The following PCNX4 variants were observed in gnomAD, a reference collection of about 807,000 sequenced individuals.
PCNX4 encodes pecanex-like protein 4.
A neutral mutation model predicts 107.2 loss-of-function variants in PCNX4; 103 were observed. The observed-to-expected ratio is 0.96, with a 90% CI of 0.82 to 1.13. The LOEUF is 1.13. Ranked by LOEUF, PCNX4 falls within the 50% of genes most tolerant of loss-of-function variation. The probability of loss-of-function intolerance (pLI) is 0.00; values close to 1 mark genes in which losing one functional copy is unlikely to be tolerated. For missense variants in PCNX4, 1,528 were observed against 1,379.4 expected (o/e 1.11, Z -1.71); for synonymous variants, 541 against 481.7 (o/e 1.12, Z -1.61).
intron 1 of PCNX4, among the ~76,000 whole-genome samples, chr14:60,100,731 A>G (rs1199241143): frequency 6.6e-6 from 1 of 152,214 alleles, no homozygotes; most frequent in African/African-American, 2.4e-5. Context: ...ATAAATTCTC[A>G]TCAGGTGGGT....
In PCNX4 at chr14:60,118,387, CTG is replaced by C. The variant is rs1408546237; in HGVS notation, c.1640_1641del (p.Val547AlafsTer133). ...ATCTCTAAATTGCAGTTTGCCGTGACTGTGCTTTTGACATCATGGACAGAGAA... is the reference window on the plus strand; with the variant it reads ...ATCTCTAAATTGCAGTTTGCCGTGACTGCTTTTGACATCATGGACAGAGAA... On this transcript the variant is annotated frameshift_variant, in exon 7 of 11. Transcript: ENST00000406854. LOFTEE classifies it high-confidence loss of function. The C allele has an allele frequency of 3.7e-6, 6 of 1,613,304 alleles. No individual in the cohort carries two copies. In the South Asian group the frequency reaches 4.4e-5, roughly 12 times the overall value.
Position 60,114,827 on chromosome 14 carries a change from G to T in PCNX4, c.817G>T (p.Glu273Ter). 1 of 1,613,794 alleles carries T rather than the reference G, an allele frequency of 6.2e-7. No homozygotes were observed. Among genetic ancestry groups the T allele is most frequent in the Non-Finnish European group, 8.5e-7 (1 of 1,179,802 alleles). Residue 273 changes from glutamate (E) to a stop codon, truncating the protein, a stop_gained, in exon 3 of 11, where the codon GAG becomes TAG. Transcript: ENST00000406854. LOFTEE classifies it high-confidence loss of function. ...PPDALLLWAM[E>*]QVLEFGLGGS... is the part of the protein sequence containing the mutation. The stretch of plus-strand genomic sequence containing the variant: ...CGATGCACTTCTCTTATGGGCAATG[G>T]AGCAGGTTTTAGAGTTCGGCCTTGG...
chr14:60,129,250 AAAAG>A (rs1896111153), intron 10 of PCNX4, among the ~76,000 whole-genome samples: 1 of 149,164 alleles, frequency 6.7e-6, no homozygotes, highest in African/African-American at 2.5e-5. Flanking sequence ...CAAAAAAAAA[AAAAG>A]AAGGATAACA....
chr14:60,121,053 T>C, intron 7 of PCNX4, 143 bp from the exon 8 acceptor site: 1 of 1,032,486 alleles, frequency 9.7e-7, no homozygotes, highest in Non-Finnish European at 1.3e-6. Context: ...TGAATAGTTA[T>C]TTCTGTTCTT....
chr14:60,129,753 C>T (rs551270360), intron 10 of PCNX4, among the ~76,000 whole-genome samples: 1 of 152,260 alleles, frequency 6.6e-6, no homozygotes, highest in South Asian at 2.1e-4. Flanking sequence ...AATATTTCTG[C>T]TTCACCACAA....
chr14:60,144,260 C>T lies in PCNX4; in HGVS notation c.*10039C>T, dbSNP rs1193691564. 6.6e-6 allele frequency: 1 copy of T among 152,144 alleles called. No individual in the cohort carries two copies. The highest frequency in any genetic ancestry group is 1.9e-4 in the East Asian group (1 of 5,188). 9.4% of individuals were successfully genotyped at this position (152,144 alleles called of 1,614,324 possible). ...GGAGGTAAGGTCATTTCAAATACTT[C>T]TTTATATCTGGTCATTACCCAGCAC... On this transcript the variant is annotated 3_prime_UTR_variant, in exon 11 of 11. Transcript: ENST00000406854.
chr14:60,115,167 G>T lies in PCNX4; in HGVS notation c.1063G>T (p.Glu355Ter). Residue 355 changes from glutamate (E) to a stop codon, truncating the protein, a stop_gained, in exon 4 of 11, where the codon GAA becomes TAA. Transcript: ENST00000406854. LOFTEE classifies it high-confidence loss of function. The part of the protein sequence containing the change: ...SGPEKHFSWK[E>*]CLFYIIILVL... Reference sequence around the variant, plus strand: ...TCCGGAAAAACATTTTTCATGGAAGGAATGCCTTTTCTACATCATTATATT... The same window carrying T: ...TCCGGAAAAACATTTTTCATGGAAGTAATGCCTTTTCTACATCATTATATT... The T allele has an allele frequency of 6.2e-7, 1 of 1,613,480 alleles. No individual in the cohort carries two copies. Among genetic ancestry groups the T allele is most frequent in the Non-Finnish European group, 8.5e-7 (1 of 1,179,504 alleles).
Position 60,102,123 on chromosome 14 carries a change from G to A in PCNX4, c.-53-5463G>A, listed in dbSNP as rs530260783. Among the ~76,000 whole-genome samples the A allele has an allele frequency of 8.7e-4, 133 of 152,230 alleles. 1 individual carries two copies. The highest frequency in any genetic ancestry group is 2.8e-3 in the Admixed American group (43 of 15,300). On this transcript the variant is annotated intron_variant, in intron 1 of 10. Coordinates refer to ENST00000406854, the MANE Select transcript of PCNX4 (RefSeq NM_001330177.2). ...CAGGTATGAAGTTTTAATTATGCAG[G>A]ATGAACAAGTTCTAGAGATCTGTTC...
rs767167416 is a variant in PCNX4 at position 60,136,045 on chromosome 14, T to A, written c.*1824T>A. 1.9e-4 allele frequency: 29 copies of A among 152,138 alleles called. No individual in the cohort carries two copies. The highest frequency in any genetic ancestry group is 1.0e-3 in the Admixed American group (16 of 15,278). The allele number at this position is 152,138 out of a possible 1,614,324, so 9.4% of individuals were successfully genotyped here. A position where few individuals can be genotyped will look rare whatever the true frequency, so the allele number is the denominator to read the frequency against. ...CTCCATTTCATTCATAGCCAGGTTT[T>A]CTCTTTCATTTACTTGTCAAATCAT... On this transcript the variant is annotated 3_prime_UTR_variant, in exon 11 of 11. Transcript: ENST00000406854.
chr14:60,116,164 AT>A, intron 6 of PCNX4, 104 bp downstream of exon 6: 1 of 1,080,636 alleles, frequency 9.3e-7, no homozygotes. Flanking sequence ...CCACAATCTA[AT>A]TTTAGAACAT....
chr14:60,100,009 G>A (rs1051293295), intron 1 of PCNX4, among the ~76,000 whole-genome samples: 1 of 152,132 alleles, frequency 6.6e-6, no homozygotes, highest in African/African-American at 2.4e-5. Flanking sequence ...AGGTTACAGT[G>A]AGCCAAGATC....
At chr14:60,123,850 T>C (rs1895998571) in intron 8 of PCNX4, among the ~76,000 whole-genome samples, 1 of 152,138 alleles carries the variant, frequency 6.6e-6, no homozygotes, top group African/African-American at 2.4e-5. Context: ...GTATATACTG[T>C]ATAATTCTAA....
At chr14:60,117,190 G>T (rs1476320052) in intron 6 of PCNX4, among the ~76,000 whole-genome samples, 1 of 152,068 alleles carries the variant, frequency 6.6e-6, no homozygotes, top group Non-Finnish European at 1.5e-5. Context: ...AATGTCCTAG[G>T]ACTTCACATT....
Position 60,144,137 on chromosome 14 carries a change from A to G in PCNX4, c.*9916A>G, listed in dbSNP as rs752502078. The G allele has an allele frequency of 2.0e-5, 3 of 152,270 alleles. No individual in the cohort carries two copies. Among genetic ancestry groups the G allele is most frequent in the Admixed American group, 1.3e-4 (2 of 15,284 alleles). The allele number at this position is 152,270 out of a possible 1,614,324, so 9.4% of individuals were successfully genotyped here. A position where few individuals can be genotyped will look rare whatever the true frequency, so the allele number is the denominator to read the frequency against. ...ACTCCAGTACAGTAGAAGACATACAACAGGTGTTTAATGAATAATAGGTGC... is the reference window on the plus strand; with the variant it reads ...ACTCCAGTACAGTAGAAGACATACAGCAGGTGTTTAATGAATAATAGGTGC... On this transcript the variant is annotated 3_prime_UTR_variant, in exon 11 of 11. Transcript: ENST00000406854.
rs1197239981 is a variant in PCNX4 at position 60,118,489 on chromosome 14, T to A, written c.1739T>A (p.Ile580Lys). The A allele has an allele frequency of 6.2e-7, 1 of 1,613,800 alleles. No homozygotes were observed. The highest frequency in any genetic ancestry group is 2.2e-5 in the East Asian group (1 of 44,882). ...TTTTCTCCATTCGTGTTGGTCATCA[T>A]AGTTTTTTCTACACTACTCTCTTCT... is the stretch of plus-strand genomic sequence containing the variant. ...IVFSPFVLVI[I>K]VFSTLLSSPL... The change falls in exon 7 of 11, where the codon ATA (isoleucine) becomes AAA (lysine). Residue 580 changes from isoleucine to lysine, a missense_variant. Ile to Lys is a moderately radical substitution (Grantham distance 102, BLOSUM62 -3). Coordinates refer to ENST00000406854, the MANE Select transcript of PCNX4 (RefSeq NM_001330177.2).
chr14:60,118,507 T>C lies in PCNX4; in HGVS notation c.1757T>C (p.Leu586Pro). ...GTCATCATAGTTTTTTCTACACTAC[T>C]CTCTTCTCCCTTACTCCCTCTTTTC... The part of the protein sequence containing the change: ...VLVIIVFSTL[L>P]SSPLLPLFTL... The change falls in exon 7 of 11, where the codon CTC (leucine) becomes CCC (proline). Residue 586 changes from leucine to proline, a missense_variant. Coordinates refer to ENST00000406854, the MANE Select transcript of PCNX4 (RefSeq NM_001330177.2). 4 of 1,613,806 alleles carry C rather than the reference T, an allele frequency of 2.5e-6. No homozygotes were observed. The highest frequency in any genetic ancestry group is 1.1e-5 in the South Asian group (1 of 91,070).
chr14:60,135,627 A>G lies in PCNX4; in HGVS notation c.*1406A>G, dbSNP rs1392141812. On this transcript the variant is annotated 3_prime_UTR_variant, in exon 11 of 11. Transcript: ENST00000406854. Reference sequence around the variant, plus strand: ...GGGTGCAGTGGCACGATCTCAGCTCACTGCAACCTCCGCCTTCTGGGTTCA... The same window carrying G: ...GGGTGCAGTGGCACGATCTCAGCTCGCTGCAACCTCCGCCTTCTGGGTTCA... 3 of 151,676 alleles carry G rather than the reference A, an allele frequency of 2.0e-5. No individual in the cohort carries two copies. The highest frequency in any genetic ancestry group is 7.3e-5 in the African/African-American group (3 of 41,264). 9.4% of individuals were successfully genotyped at this position (151,676 alleles called of 1,614,324 possible).
In PCNX4 at chr14:60,118,792, G is replaced by A. The variant is rs1595172270; in HGVS notation, c.1942+100G>A. ...AATCTTTTTATCCAACCATAAGATA[G>A]CATAACAACCATAACAATTTGATGT... On this transcript the variant is annotated intron_variant, in intron 7 of 10. Transcript: ENST00000406854. The A allele has an allele frequency of 4.6e-6, 6 of 1,296,644 alleles. No individual in the cohort carries two copies. The East Asian group carries it at 1.3e-4, about 28-fold the overall frequency. The allele number at this position is 1,296,644 out of a possible 1,614,324, so 80.3% of individuals were successfully genotyped here.
At chr14:60,105,297 A>AG (rs1311133519) in intron 1 of PCNX4, among the ~76,000 whole-genome samples, 1 of 152,164 alleles carries the variant, frequency 6.6e-6, no homozygotes. Context: ...CAATTAGGGA[A>AG]GGGAGGAGAG....
Sources: gnomAD v4.1 joint callset for allele counts (sites outside exome capture counted in the v4.1 genomes callset) on GRCh38, gnomAD v4.1.1 for gene constraint, MANE v1.5 for transcripts, NCBI Gene and HGNC (gene_info 2026-07-23, HGNC 2026-07-21) for gene names.